ELF2: variants seen among roughly 807,000 people sequenced by gnomAD.
ELF2 encodes the protein ETS-related transcription factor Elf-2.
ELF2 carries 11 observed loss-of-function variants against 54.8 expected under a neutral mutation model. The observed-to-expected ratio is 0.20, with a 90% CI of 0.13 to 0.33. The LOEUF (loss-of-function observed/expected upper bound fraction) is 0.33, where lower values mean the gene tolerates loss of function less well. ELF2 is among the 10% of genes least tolerant of loss of function. The pLI is 1.00. For missense variants in ELF2, 513 were observed against 703.0 expected (o/e 0.73, Z 3.06); for synonymous variants, 203 against 245.1 (o/e 0.83, Z 1.61).
intron 4 of ELF2, among the ~76,000 whole-genome samples, chr4:139,103,699 A>G (rs747848867): frequency 1.3e-5 from 2 of 152,246 alleles, no homozygotes; most frequent in African/African-American, 2.4e-5. Context: ...ATCTCCAAGT[A>G]GACAGTGTCA....
intron 1 of ELF2, among the ~76,000 whole-genome samples, chr4:139,156,454 C>T (rs1005743929): frequency 4.6e-5 from 7 of 152,194 alleles, no homozygotes; most frequent in Non-Finnish European, 1.0e-4. Context: ...GCTGGGATTA[C>T]AGGCGTTAGC....
chr4:139,083,430 C>A (rs1183494454), intron 4 of ELF2, among the ~76,000 whole-genome samples: 1 of 152,156 alleles, frequency 6.6e-6, no homozygotes, highest in Non-Finnish European at 1.5e-5. Flanking sequence ...GTTAAATGAG[C>A]AAAGGGAGGC....
intron 7 of ELF2, 156 bp downstream of exon 7, chr4:139,067,528 C>T: frequency 1.5e-6 from 1 of 665,714 alleles, no homozygotes; most frequent in East Asian, 2.8e-5. Context: ...TGAAAAAGCT[C>T]CCCACGTGAT....
intron 7 of ELF2, among the ~76,000 whole-genome samples, chr4:139,062,811 C>A (rs1038713411): frequency 6.6e-6 from 1 of 152,162 alleles, no homozygotes; most frequent in Non-Finnish European, 1.5e-5. Context: ...GACCTAGGGT[C>A]TTTTTGTAAG....
At chr4:139,139,113 A>G (rs985909857) in intron 2 of ELF2, among the ~76,000 whole-genome samples, 8 of 152,200 alleles carry the variant, frequency 5.3e-5, no homozygotes, top group African/African-American at 1.7e-4. Flanking sequence ...AAATCATTCC[A>G]TTAATATTAT....
intron 4 of ELF2, among the ~76,000 whole-genome samples, chr4:139,096,625 CTT>C (rs551057884): frequency 1.3e-4 from 16 of 126,984 alleles, no homozygotes; most frequent in Non-Finnish European, 1.5e-4. Context: ...CCATACCAAG[CTT>C]TTTTTTTTTT....
intron 3 of ELF2, among the ~76,000 whole-genome samples, chr4:139,128,656 G>A (rs113652668): frequency 0.027 from 4,080 of 151,702 alleles, 97 homozygotes; most frequent in African/African-American, 0.064. Flanking sequence ...TGAGTAGCTG[G>A]GACTACAGGC....
At chr4:139,109,391 A>G (rs148979362) in intron 4 of ELF2, among the ~76,000 whole-genome samples, 2 of 152,214 alleles carry the variant, frequency 1.3e-5, no homozygotes, top group Non-Finnish European at 2.9e-5. Context: ...AATATAATAC[A>G]GTTTATTAAA....
chr4:139,098,394 C>G (rs950397778), intron 4 of ELF2, among the ~76,000 whole-genome samples: 3 of 151,940 alleles, frequency 2.0e-5, no homozygotes, highest in Non-Finnish European at 4.4e-5. Context: ...AAATGTTCAC[C>G]CTAAATTCTA....
chr4:139,160,089 G>A (rs1218501656), intron 1 of ELF2, among the ~76,000 whole-genome samples: 1 of 152,208 alleles, frequency 6.6e-6, no homozygotes, highest in African/African-American at 2.4e-5. Flanking sequence ...TGTAATCCCA[G>A]CACTTTGGGA....
intron 4 of ELF2, among the ~76,000 whole-genome samples, chr4:139,103,847 T>C (rs910371922): frequency 2.0e-5 from 3 of 152,248 alleles, no homozygotes; most frequent in African/African-American, 7.2e-5. Flanking sequence ...GTTGAGAGCA[T>C]AGTGAGACAA....
chr4:139,108,697 A>AATGG (rs1404799500), intron 4 of ELF2, among the ~76,000 whole-genome samples: 4 of 152,194 alleles, frequency 2.6e-5, no homozygotes, highest in Admixed American at 6.5e-5. Context: ...GGAGGTGGTT[A>AATGG]ATGGATAAGA....
intron 1 of ELF2, among the ~76,000 whole-genome samples, chr4:139,164,049 T>G (rs1361415626): frequency 1.0e-3 from 95 of 92,830 alleles, no homozygotes; most frequent in African/African-American, 1.5e-3. Flanking sequence ...GAGGCAGGGG[T>G]GAGAGAGAAA....
chr4:139,171,185 C>T (rs187998823), intron 1 of ELF2, among the ~76,000 whole-genome samples: 207 of 152,136 alleles, frequency 1.4e-3, no homozygotes, highest in Non-Finnish European at 1.8e-3. Flanking sequence ...CCCAGGGGTT[C>T]AAGAGTAGCC....
In ELF2 at chr4:139,137,745, T is replaced by C. The variant is rs1738328815; in HGVS notation, c.-44A>G. Reference sequence around the variant, plus strand: ...CTTCAAACGCTATTAATCAATGAAATTAAAGGTTCACTGATGGTTGCCAGT... The same window carrying C: ...CTTCAAACGCTATTAATCAATGAAACTAAAGGTTCACTGATGGTTGCCAGT... On this transcript the variant is annotated 5_prime_UTR_variant, in exon 3 of 10. Coordinates refer to ENST00000686138, the MANE Select transcript of ELF2 (RefSeq NM_001331036.3). 3 of 1,610,888 alleles carry C rather than the reference T, an allele frequency of 1.9e-6. No homozygotes were observed. In the East Asian group the frequency reaches 6.7e-5, roughly 36 times the overall value.
chr4:139,150,098 G>T (rs1702872750), intron 1 of ELF2, among the ~76,000 whole-genome samples: 1 of 152,156 alleles, frequency 6.6e-6, no homozygotes, highest in Admixed American at 6.5e-5. Flanking sequence ...CCAATACTTT[G>T]GGAGGCCGAA....
intron 1 of ELF2, among the ~76,000 whole-genome samples, chr4:139,172,694 T>C (rs901134286): frequency 2.0e-5 from 3 of 152,012 alleles, no homozygotes; most frequent in Admixed American, 2.0e-4. Flanking sequence ...AGAAATCTTC[T>C]ATGAAATTGT....
chr4:139,084,060 G>A (rs571559862), intron 4 of ELF2: 12 of 1,608,102 alleles, frequency 7.5e-6, no homozygotes, highest in Non-Finnish European at 1.0e-5. Context: ...TGCTACAGGG[G>A]AGTCACCCCG....
chr4:139,062,287 C>T (rs1425889426), intron 7 of ELF2, among the ~76,000 whole-genome samples: 2 of 152,006 alleles, frequency 1.3e-5, no homozygotes, highest in Non-Finnish European at 2.9e-5. Flanking sequence ...TCTCCTGCCT[C>T]GGCCTCCCGA....
Sources: gnomAD v4.1 joint callset for allele counts (sites outside exome capture counted in the v4.1 genomes callset) on GRCh38, gnomAD v4.1.1 for gene constraint, MANE v1.5 for transcripts, NCBI Gene and HGNC (gene_info 2026-07-23, HGNC 2026-07-21) for gene names.